FAM171A1: variants seen among roughly 807,000 people sequenced by gnomAD.
The protein encoded by FAM171A1 is family with sequence similarity 171 member A1, also known as protein FAM171A1.
A neutral mutation model predicts 74.9 loss-of-function variants in FAM171A1; 23 were observed. The observed-to-expected ratio is 0.31, with a 90% CI of 0.22 to 0.44. FAM171A1 has a LOEUF of 0.44. Among genes scored for constraint, FAM171A1 ranks in the 20% least tolerant of loss-of-function variants. The probability of loss-of-function intolerance (pLI) is 1.00; values close to 1 mark genes in which losing one functional copy is unlikely to be tolerated. For synonymous variants in FAM171A1, 527 were observed against 505.7 expected (o/e 1.04, Z -0.57); for missense variants, 1,162 against 1,159.2 (o/e 1.00, Z -0.03).
intron 5 of FAM171A1, among the ~76,000 whole-genome samples, chr10:15,234,697 G>A (rs995611482): frequency 1.3e-5 from 2 of 151,434 alleles, no homozygotes. Flanking sequence ...CTGTCGCCCA[G>A]GCTGAAGTGC....
intron 1 of FAM171A1, among the ~76,000 whole-genome samples, chr10:15,350,680 C>A (rs990187789): frequency 6.6e-6 from 1 of 151,390 alleles, no homozygotes; most frequent in African/African-American, 2.4e-5. Context: ...TCTCTGTCGC[C>A]CAGGCTGGAG....
At chr10:15,312,673 GTTTTTTTTTTTTTTTTTTTTTTTTTTTT>G (rs1169098742) in intron 1 of FAM171A1, among the ~76,000 whole-genome samples, 2 of 36,382 alleles carry the variant, frequency 5.5e-5, no homozygotes, top group African/African-American at 1.2e-4. Context: ...AGCACTGTGT[GTTTTTTTTTTTTTTTTTTTTTTTTTTTT>G]TTTTTTTTTT....
chr10:15,290,988 C>T (rs1266215305), intron 1 of FAM171A1, among the ~76,000 whole-genome samples: 2 of 152,116 alleles, frequency 1.3e-5, no homozygotes, highest in Non-Finnish European at 1.5e-5. Flanking sequence ...GTAGCTGGGA[C>T]CACACGCATG....
chr10:15,368,229 CT>C (rs1714711597), intron 1 of FAM171A1, among the ~76,000 whole-genome samples: 2 of 152,184 alleles, frequency 1.3e-5, no homozygotes, highest in Admixed American at 1.3e-4. Context: ...TTCGAAGCAG[CT>C]ACGGGAAGAG....
At chr10:15,363,940 G>T (rs550736041) in intron 1 of FAM171A1, among the ~76,000 whole-genome samples, 1 of 151,896 alleles carries the variant, frequency 6.6e-6, no homozygotes, top group African/African-American at 2.4e-5. Flanking sequence ...ATGGCCCTGG[G>T]CCCTGGAGCT....
intron 5 of FAM171A1, among the ~76,000 whole-genome samples, chr10:15,235,756 C>A (rs113320221): frequency 1.3e-5 from 2 of 152,276 alleles, no homozygotes; most frequent in African/African-American, 2.4e-5. Flanking sequence ...CATGATCAAA[C>A]CCCAAACTCC....
intron 3 of FAM171A1, among the ~76,000 whole-genome samples, chr10:15,255,585 C>T (rs74856850): frequency 6.6e-6 from 1 of 152,010 alleles, no homozygotes; most frequent in South Asian, 2.1e-4. Flanking sequence ...GCTGACAGGC[C>T]CTAGACAGTT....
chr10:15,340,559 G>A (rs1835753794), intron 1 of FAM171A1, among the ~76,000 whole-genome samples: 1 of 152,112 alleles, frequency 6.6e-6, no homozygotes, highest in South Asian at 2.1e-4. Flanking sequence ...CCACCTCCAT[G>A]CAGCCATGGA....
intron 1 of FAM171A1, among the ~76,000 whole-genome samples, chr10:15,348,256 G>C (rs1366175730): frequency 1.3e-5 from 2 of 152,180 alleles, no homozygotes; most frequent in African/African-American, 4.8e-5. Context: ...TGGGATTACA[G>C]GCGTGAGCCA....
At chr10:15,331,859 G>GTGTATACACATATATATATA (rs60559617) in intron 1 of FAM171A1, among the ~76,000 whole-genome samples, 1 of 44,954 alleles carries the variant, frequency 2.2e-5, no homozygotes, top group Non-Finnish European at 4.2e-5. Context: ...ATATATGTGT[G>GTGTATACACATATATATATA]TATATATATG....
At chr10:15,240,760 A>G in intron 5 of FAM171A1, 1 of 985,126 alleles carries the variant, frequency 1.0e-6, no homozygotes, top group Non-Finnish European at 1.2e-6. Flanking sequence ...ATTTTGAGGC[A>G]GGGTGGTGGC....
At chr10:15,214,688 A>T (rs1441597157) in intron 7 of FAM171A1, 87 bp from the exon 8 acceptor site, 1 of 1,470,834 alleles carries the variant, frequency 6.8e-7, no homozygotes, top group Non-Finnish European at 9.0e-7. Flanking sequence ...CCTAATTCTC[A>T]ATTTCCATGG....
intron 1 of FAM171A1, among the ~76,000 whole-genome samples, chr10:15,306,273 CAAATT>C (rs1447912452): frequency 6.6e-6 from 1 of 151,914 alleles, no homozygotes; most frequent in Non-Finnish European, 1.5e-5. Flanking sequence ...TTGAAAAAGT[CAAATT>C]AAAATATTTA....
At chr10:15,313,096 A>T (rs1268025705) in intron 1 of FAM171A1, among the ~76,000 whole-genome samples, 3 of 152,188 alleles carry the variant, frequency 2.0e-5, no homozygotes, top group Non-Finnish European at 4.4e-5. Flanking sequence ...CCTGTGTGCC[A>T]GGAACAAAGC....
chr10:15,342,521 T>C (rs956754946), intron 1 of FAM171A1, among the ~76,000 whole-genome samples: 7 of 152,222 alleles, frequency 4.6e-5, no homozygotes, highest in East Asian at 3.9e-4. Flanking sequence ...TGAGCCAAGA[T>C]TGCACCACTG....
intron 5 of FAM171A1, among the ~76,000 whole-genome samples, chr10:15,229,288 T>C (rs1295013288): frequency 1.3e-5 from 2 of 152,184 alleles, no homozygotes; most frequent in African/African-American, 4.8e-5. Flanking sequence ...GCCTAATCAC[T>C]AGCTTTCTTG....
intron 5 of FAM171A1, among the ~76,000 whole-genome samples, chr10:15,235,301 CAAAAAAAAA>C (rs1193195866): frequency 2.0e-4 from 9 of 44,548 alleles, no homozygotes; most frequent in Non-Finnish European, 8.4e-5. Context: ...GACTCTGTCT[CAAAAAAAAA>C]AAAAAAAAAA....
At chr10:15,348,433 C>T (rs927205741) in intron 1 of FAM171A1, among the ~76,000 whole-genome samples, 4 of 152,296 alleles carry the variant, frequency 2.6e-5, no homozygotes, top group East Asian at 3.9e-4. Flanking sequence ...CCCCCATGCC[C>T]GGCCTCTAGG....
chr10:15,333,205 C>A (rs1835661456), intron 1 of FAM171A1, among the ~76,000 whole-genome samples: 1 of 152,216 alleles, frequency 6.6e-6, no homozygotes, highest in Non-Finnish European at 1.5e-5. Context: ...TTTAAAAACT[C>A]TTTCTGGGCT....
Sources: allele counts gnomAD v4.1 joint callset (sites outside exome capture counted in the v4.1 genomes callset), GRCh38; gene constraint gnomAD v4.1.1; transcripts MANE v1.5; gene names NCBI Gene and HGNC (gene_info 2026-07-23, HGNC 2026-07-21).